Variants in LRCH1 observed in about 807,000 individuals in gnomAD.
LRCH1 encodes leucine rich repeats and calponin homology domain containing 1, also known as leucine-rich repeat and calponin homology domain-containing protein 1.
LRCH1 carries 23 observed loss-of-function variants against 94.9 expected under a neutral mutation model. The observed-to-expected ratio is 0.24, with a 90% confidence interval of 0.17 to 0.34. LRCH1 has a LOEUF of 0.34. Among genes scored for constraint, LRCH1 ranks in the 10% least tolerant of loss-of-function variants. LRCH1 has a pLI of 1.00. For synonymous variants in LRCH1, 364 were observed against 354.9 expected (o/e 1.03, Z -0.29); for missense variants, 790 against 945.9 (o/e 0.84, Z 2.16).
At chr13:46,571,587 A>C (rs2137920126) in intron 1 of LRCH1, among the ~76,000 whole-genome samples, 1 of 152,338 alleles carries the variant, frequency 6.6e-6, no homozygotes, top group East Asian at 1.9e-4. Context: ...ATGAAATGCC[A>C]AAGTGCTCAA....
At chr13:46,693,339 C>CA (rs1224184505) in intron 8 of LRCH1, among the ~76,000 whole-genome samples, 2 of 152,132 alleles carry the variant, frequency 1.3e-5, no homozygotes, top group Non-Finnish European at 1.5e-5. Context: ...ACCATGACTC[C>CA]ATCATCTTTA....
chr13:46,581,408 A>G (rs1490388251), intron 1 of LRCH1, among the ~76,000 whole-genome samples: 2 of 152,234 alleles, frequency 1.3e-5, no homozygotes, highest in Non-Finnish European at 2.9e-5. Context: ...GATAGGTGGA[A>G]TAAAAGAAGT....
At chr13:46,718,225 G>T (rs893271086) in intron 16 of LRCH1, among the ~76,000 whole-genome samples, 1 of 152,096 alleles carries the variant, frequency 6.6e-6, no homozygotes, top group Non-Finnish European at 1.5e-5. Flanking sequence ...TAATCTTTAA[G>T]TTATCACCAG....
chr13:46,662,740 T>C (rs2051466040), intron 2 of LRCH1, among the ~76,000 whole-genome samples: 1 of 152,224 alleles, frequency 6.6e-6, no homozygotes, highest in African/African-American at 2.4e-5. Flanking sequence ...AGTGGTTTAT[T>C]TATACTCACG....
intron 1 of LRCH1, among the ~76,000 whole-genome samples, chr13:46,634,302 A>G (rs913899719): frequency 4.6e-5 from 7 of 152,082 alleles, no homozygotes; most frequent in African/African-American, 1.7e-4. Flanking sequence ...TGCGAATTCT[A>G]CCTCACAAAT....
At chr13:46,664,800 AT>A (rs778604000) in intron 2 of LRCH1, among the ~76,000 whole-genome samples, 7 of 152,098 alleles carry the variant, frequency 4.6e-5, no homozygotes, top group African/African-American at 9.7e-5. Flanking sequence ...GGTAGGTCTT[AT>A]TGTCTCTGTT....
chr13:46,750,897 C>T (rs1874101655), exon 19 of LRCH1: 1 of 350,930 alleles, frequency 2.8e-6, no homozygotes, highest in Middle Eastern at 7.7e-4. Flanking sequence ...AACTGAGCAG[C>T]ACATCAATGC....
chr13:46,747,251 G>T (rs1190272145), downstream of LRCH1, among the ~76,000 whole-genome samples: 1 of 152,148 alleles, frequency 6.6e-6, no homozygotes, highest in Non-Finnish European at 1.5e-5. Flanking sequence ...ACAAGGGCCT[G>T]GGAAAGAGGG....
intron 1 of LRCH1, among the ~76,000 whole-genome samples, chr13:46,615,183 A>C (rs1456823463): frequency 6.6e-6 from 1 of 152,210 alleles, no homozygotes; most frequent in Non-Finnish European, 1.5e-5. Flanking sequence ...AAGAGGTTTT[A>C]TTGGCTCATG....
intron 7 of LRCH1, among the ~76,000 whole-genome samples, chr13:46,690,811 C>A (rs1224238949): frequency 6.6e-6 from 1 of 152,150 alleles, no homozygotes; most frequent in African/African-American, 2.4e-5. Context: ...TCTTACATAG[C>A]TTCCTATTTT....
At chr13:46,669,282 A>G (rs938026394) in intron 3 of LRCH1, 126 bp downstream of exon 3, 6 of 1,085,976 alleles carry the variant, frequency 5.5e-6, no homozygotes, top group Non-Finnish European at 7.8e-6. Flanking sequence ...GGGCAGGTAT[A>G]TGATAAAGAC....
At chr13:46,747,358 C>G (rs2138260530), downstream of LRCH1, among the ~76,000 whole-genome samples, 1 of 152,332 alleles carries the variant, frequency 6.6e-6, no homozygotes, top group South Asian at 2.1e-4. Context: ...TGTGAAGCCC[C>G]CAGCCTTTCC....
At chr13:46,629,064 A>G (rs2050987102) in intron 1 of LRCH1, among the ~76,000 whole-genome samples, 1 of 152,206 alleles carries the variant, frequency 6.6e-6, no homozygotes, top group African/African-American at 2.4e-5. Flanking sequence ...CAAATTAAAT[A>G]AAGGTATCTC....
At chr13:46,616,838 A>G (rs563201865) in intron 1 of LRCH1, among the ~76,000 whole-genome samples, 14 of 152,152 alleles carry the variant, frequency 9.2e-5, no homozygotes, top group Admixed American at 2.6e-4. Flanking sequence ...ATTAGTTCTT[A>G]TAGGTTTTGG....
At chr13:46,613,316 G>A (rs1370153755) in intron 1 of LRCH1, among the ~76,000 whole-genome samples, 3 of 152,002 alleles carry the variant, frequency 2.0e-5, no homozygotes, top group Non-Finnish European at 4.4e-5. Flanking sequence ...CTTGAACCAG[G>A]GAGTCAGAGG....
At chr13:46,602,272 C>T (rs986707284) in intron 1 of LRCH1, among the ~76,000 whole-genome samples, 1 of 152,184 alleles carries the variant, frequency 6.6e-6, no homozygotes, top group Non-Finnish European at 1.5e-5. Flanking sequence ...GATGTAGCTT[C>T]GTTGTGTAAC....
At chr13:46,635,233 C>T (rs1288341681) in intron 1 of LRCH1, among the ~76,000 whole-genome samples, 1 of 152,184 alleles carries the variant, frequency 6.6e-6, no homozygotes, top group Non-Finnish European at 1.5e-5. Context: ...GAGACTTTCC[C>T]GCAGTCTGTT....
intron 3 of LRCH1, among the ~76,000 whole-genome samples, chr13:46,676,239 T>C (rs1264770889): frequency 6.6e-6 from 1 of 150,388 alleles, no homozygotes; most frequent in African/African-American, 2.5e-5. Flanking sequence ...CCAGCCTGGG[T>C]GACAGAGACT....
chr13:46,671,404 C>T (rs1433969818), intron 3 of LRCH1, among the ~76,000 whole-genome samples: 1 of 152,256 alleles, frequency 6.6e-6, no homozygotes, highest in East Asian at 1.9e-4. Context: ...AGGTGCCTGG[C>T]ACCTGATAGG....
Sources: allele counts gnomAD v4.1 joint callset (sites outside exome capture counted in the v4.1 genomes callset), GRCh38; gene constraint gnomAD v4.1.1; transcripts MANE v1.5; gene names NCBI Gene and HGNC (gene_info 2026-07-23, HGNC 2026-07-21).